REPS1: variants seen among roughly 807,000 people sequenced by gnomAD.
REPS1 encodes ralBP1-associated Eps domain-containing protein 1.
Under a neutral mutation model 100.9 loss-of-function variants are expected in REPS1, and 39 were observed. The observed-to-expected ratio is 0.39, with a 90% CI of 0.30 to 0.50. The LOEUF (loss-of-function observed/expected upper bound fraction) is 0.50. Among genes scored for constraint, REPS1 ranks in the 20% least tolerant of loss-of-function variants. The pLI, the probability that REPS1 is intolerant of heterozygous loss-of-function variation, is 0.86. For synonymous variants in REPS1, 324 were observed against 340.3 expected, an observed-to-expected ratio of 0.95 and a Z score of 0.53; for missense variants, 821 against 968.5, an observed-to-expected ratio of 0.85 and a Z score of 2.02.
chr6:138,983,696 T>G, intron 1 of REPS1, among the ~76,000 whole-genome samples: 1 of 152,188 alleles, frequency 6.6e-6, no homozygotes, highest in East Asian at 1.9e-4. Context: ...CGAAAACTAC[T>G]GTACCAACCA....
At chr6:138,970,457 T>TA (rs11420118) in intron 1 of REPS1, among the ~76,000 whole-genome samples, 67,140 of 141,228 alleles carry the variant, frequency 0.48, 16,940 homozygotes, top group East Asian at 0.84. Flanking sequence ...AAGAATATCT[T>TA]AAAAAAAAAA....
At position 138,945,320 on chromosome 6, in the gene REPS1, T is replaced by C. The variant is rs1379506151; in HGVS notation, c.527A>G (p.His176Arg). 1.2e-6 allele frequency: 2 copies of C among 1,612,360 alleles called. No individual in the cohort carries two copies. The highest frequency in any genetic ancestry group is 1.7e-6 in the Non-Finnish European group (2 of 1,179,544). Residue 176 changes from histidine to arginine, a missense_variant, in exon 4 of 20, where the codon CAC (histidine) becomes CGC (arginine). His to Arg is a conservative substitution (Grantham distance 29). Around this residue, in one of 3 missense-constraint regions of REPS1, gnomAD observed 757 missense variants for 866.4 expected, o/e 0.87. Coordinates refer to ENST00000450536, the MANE Select transcript of REPS1 (RefSeq NM_001286611.2). ...SPQQSPPTSP[H>R]TWRKHSRHPS... ...ATGACGGCTGTGCTTCCTCCATGTG[T>C]GTGGAGAAGTTGGTGGGGATTGCTG... is the stretch of plus-strand genomic sequence containing the variant.
At chr6:138,946,564 G>C (rs1395105918) in intron 2 of REPS1, among the ~76,000 whole-genome samples, 1 of 152,126 alleles carries the variant, frequency 6.6e-6, no homozygotes, top group Non-Finnish European at 1.5e-5. Flanking sequence ...TACCTGAAAA[G>C]AATGTAAACT....
intron 1 of REPS1, among the ~76,000 whole-genome samples, chr6:138,977,756 C>CAGAT (rs1441412431): frequency 6.6e-6 from 1 of 152,170 alleles, no homozygotes; most frequent in African/African-American, 2.4e-5. Context: ...TTCTCTTGGG[C>CAGAT]AGATTCCTAA....
At chr6:138,940,967 A>G (rs1411615864) in intron 8 of REPS1, among the ~76,000 whole-genome samples, 1 of 152,120 alleles carries the variant, frequency 6.6e-6, no homozygotes, top group Non-Finnish European at 1.5e-5. Context: ...CCTTCAACAA[A>G]TTAAGATGTA....
At chr6:138,960,744 T>C (rs1783683632) in intron 1 of REPS1, among the ~76,000 whole-genome samples, 1 of 152,202 alleles carries the variant, frequency 6.6e-6, no homozygotes. Context: ...CAACAAGTGG[T>C]AGTTGCTTAA....
intron 1 of REPS1, chr6:138,951,152 C>T (rs1221463604): frequency 6.6e-6 from 1 of 152,222 alleles, no homozygotes; most frequent in Non-Finnish European, 1.5e-5. Context: ...CATGCCATAG[C>T]ACTCCAGCCT....
Position 138,932,596 on chromosome 6 carries a change from G to A in REPS1, c.1136-2498C>T, listed in dbSNP as rs534706524. Among the ~76,000 whole-genome samples, 242 of 152,184 alleles carry A rather than the reference G, an allele frequency of 1.6e-3. 1 individual carries two copies. In the Middle Eastern group the frequency reaches 0.037, roughly 24 times the overall value. On this transcript the variant is annotated intron_variant, in intron 8 of 19. Coordinates refer to ENST00000450536, the MANE Select transcript of REPS1 (RefSeq NM_001286611.2). ...CACATCTTCCTCTGTGTGTCAAAAT[G>A]GGAAATACATACACACAGCATTTCT...
chr6:138,934,051 TC>T (rs1243761593), intron 8 of REPS1, among the ~76,000 whole-genome samples: 2 of 152,236 alleles, frequency 1.3e-5, no homozygotes, highest in African/African-American at 4.8e-5. Flanking sequence ...ATTGCTTCTT[TC>T]CTATGTTCTA....
chr6:138,959,193 A>G (rs1399906835), intron 1 of REPS1, among the ~76,000 whole-genome samples: 1 of 152,202 alleles, frequency 6.6e-6, no homozygotes, highest in Non-Finnish European at 1.5e-5. Flanking sequence ...GTGACAGCAA[A>G]GAGTGGTTAA....
rs369996968 is a variant in REPS1, at chr6:138,959,098, G to C, written c.154-11185C>G. On this transcript the variant is annotated intron_variant, in intron 1 of 19. Coordinates refer to ENST00000450536, the MANE Select transcript of REPS1 (RefSeq NM_001286611.2). ...ATGACATGCTATACCTGGTCTTTTT[G>C]CCAGGATAATGTCAGCTTCCTCAGG... Among the ~76,000 whole-genome samples the C allele has an allele frequency of 2.0e-5, 3 of 152,190 alleles. 1 individual carries two copies.
chr6:138,905,896 CTT>C (rs1238083275), intron 19 of REPS1, among the ~76,000 whole-genome samples: 11 of 152,296 alleles, frequency 7.2e-5, no homozygotes, highest in Admixed American at 2.0e-4. Flanking sequence ...TTTAGGCAGT[CTT>C]TTCAGTTAGC....
At chr6:138,955,457 A>AAGTGTGGGTGT (rs10689184) in intron 1 of REPS1, among the ~76,000 whole-genome samples, 1 of 90,720 alleles carries the variant, frequency 1.1e-5, no homozygotes, top group South Asian at 5.6e-4. Flanking sequence ...AAAAAAAAAA[A>AAGTGTGGGTGT]GTGTGTGTGT....
rs746213490 is a variant in REPS1, at chr6:138,914,798, T to C, written c.1721-37A>G. 12 of 1,528,300 alleles carry C rather than the reference T, an allele frequency of 7.9e-6. No individual in the cohort carries two copies. In the South Asian group the frequency reaches 1.4e-4, roughly 18 times the overall value. The allele number at this position is 1,528,300 out of a possible 1,614,324, so 94.7% of individuals were successfully genotyped here. Reference sequence around the variant, plus strand: ...CAAAAGTTCTTCTTTTTAGTAACTGTATAATCACTTTGTTAATAGAAGAAA... The same window carrying C: ...CAAAAGTTCTTCTTTTTAGTAACTGCATAATCACTTTGTTAATAGAAGAAA... On this transcript the variant is annotated intron_variant, in intron 14 of 19. Transcript: ENST00000450536.
At position 138,921,087 on chromosome 6, in the gene REPS1, G is replaced by A; in HGVS notation, c.1376C>T (p.Thr459Ile). 6.2e-7 allele frequency: 1 copy of A among 1,612,502 alleles called. No individual in the cohort carries two copies. The highest frequency in any genetic ancestry group is 8.5e-7 in the Non-Finnish European group (1 of 1,178,996). Residue 459 changes from threonine (T) to isoleucine (I), a missense_variant, in exon 11 of 20, where the codon ACT becomes ATT. Around this residue, in one of 3 missense-constraint regions of REPS1, gnomAD observed 757 missense variants for 866.4 expected, o/e 0.87. Coordinates refer to ENST00000450536, the MANE Select transcript of REPS1 (RefSeq NM_001286611.2). ...TTCCTGCATGTGGATTTTGCTTGGA[G>A]TCATACGAATGGGAACTGGATGAAC... is the stretch of plus-strand genomic sequence containing the variant. Reference protein sequence around the residue: ...AIVHPVPIRMTPSKIHMQEME... With the variant: ...AIVHPVPIRMIPSKIHMQEME...
intron 1 of REPS1, among the ~76,000 whole-genome samples, chr6:138,958,948 T>C (rs561249021): frequency 6.6e-6 from 1 of 152,326 alleles, no homozygotes; most frequent in Non-Finnish European, 1.5e-5. Context: ...TACTTCCAGA[T>C]ATAATGGAGT....
chr6:138,954,392 T>C lies in REPS1; in HGVS notation c.154-6479A>G, dbSNP rs546524500. On this transcript the variant is annotated intron_variant, in intron 1 of 19. Coordinates refer to ENST00000450536, the MANE Select transcript of REPS1 (RefSeq NM_001286611.2). ...GCTACTTACCCTGATTTCATCACTA[T>C]ACATTGTATTAGGGGTATCCAATCT... is the stretch of plus-strand genomic sequence containing the variant. Among the ~76,000 whole-genome samples, 6 of 152,068 alleles carry C rather than the reference T, an allele frequency of 3.9e-5. No individual in the cohort carries two copies. In the South Asian group the frequency reaches 6.2e-4, roughly 16 times the overall value.
intron 13 of REPS1, chr6:138,916,218 CTTTTTTTT>C (rs10582137): frequency 6.3e-5 from 13 of 207,428 alleles, no homozygotes; most frequent in East Asian, 3.6e-4. Context: ...TTCTTTTTTT[CTTTTTTTT>C]TTTTTTTTTT....
intron 1 of REPS1, among the ~76,000 whole-genome samples, chr6:138,967,667 G>A (rs1453997299): frequency 1.3e-5 from 2 of 151,994 alleles, no homozygotes; most frequent in Non-Finnish European, 2.9e-5. Context: ...TACTCAGTAG[G>A]TACTTAATGA....
Sources: allele counts gnomAD v4.1 joint callset (sites outside exome capture counted in the v4.1 genomes callset), GRCh38; gene constraint gnomAD v4.1.1; regional missense constraint gnomAD v4.1.1; transcripts MANE v1.5; gene names NCBI Gene and HGNC (gene_info 2026-07-23, HGNC 2026-07-21).